Variants in NTNG2 observed in about 807,000 individuals in gnomAD.
NTNG2 encodes netrin G2, also known as netrin-G2.
A neutral mutation model predicts 47.6 loss-of-function variants in NTNG2; 15 were observed. That is an observed-to-expected ratio of 0.32 (90% CI 0.21 to 0.49). The LOEUF (loss-of-function observed/expected upper bound fraction) is 0.49. Among genes scored for constraint, NTNG2 ranks in the 20% least tolerant of loss-of-function variants. The pLI is 0.99. For missense variants in NTNG2, 578 were observed against 764.6 expected, an observed-to-expected ratio of 0.76 and a Z score of 2.88; for synonymous variants, 307 against 324.6, an observed-to-expected ratio of 0.95 and a Z score of 0.58.
At chr9:132,171,740 C>T (rs1323354183) in intron 2 of NTNG2, among the ~76,000 whole-genome samples, 1 of 152,206 alleles carries the variant, frequency 6.6e-6, no homozygotes, top group Non-Finnish European at 1.5e-5. Context: ...TTGAACACCA[C>T]ATGCAGAATC....
intron 3 of NTNG2, among the ~76,000 whole-genome samples, chr9:132,210,716 G>T (rs1286622057): frequency 6.6e-6 from 1 of 152,192 alleles, no homozygotes; most frequent in Non-Finnish European, 1.5e-5. Context: ...GAAGTTGAGT[G>T]GGGAGAGGAC....
At chr9:132,213,350 A>G (rs983684179) in intron 3 of NTNG2, among the ~76,000 whole-genome samples, 42 of 147,742 alleles carry the variant, frequency 2.8e-4, no homozygotes, top group African/African-American at 1.0e-3. Flanking sequence ...AAAAAAAAAA[A>G]AAAAAAAAAA....
chr9:132,163,228 T>C lies in NTNG2; in HGVS notation c.-484+989T>C, dbSNP rs1347505040. On this transcript the variant is annotated intron_variant, in intron 1 of 7. Transcript: ENST00000393229. This position sits in a 1 kb window ranked among gnomAD's most constrained non-coding sequence, Gnocchi z 7.2. Reference sequence around the variant, plus strand: ...CGGGGCTGCCGGGTCGTCGGTGTCCTAGGCACAGGGCTCGCAGCCGGCCCG... The same window carrying C: ...CGGGGCTGCCGGGTCGTCGGTGTCCCAGGCACAGGGCTCGCAGCCGGCCCG... Among the ~76,000 whole-genome samples the C allele has an allele frequency of 6.6e-6, 1 of 152,028 alleles. No homozygotes were observed. The highest frequency in any genetic ancestry group is 2.4e-5 in the African/African-American group (1 of 41,414).
chr9:132,175,246 T>C, intron 2 of NTNG2, among the ~76,000 whole-genome samples: 1 of 152,142 alleles, frequency 6.6e-6, no homozygotes, highest in East Asian at 1.9e-4. Flanking sequence ...TTCTGAGACT[T>C]CTCAGAGCCC....
chr9:132,223,183 GA>G (rs1011680211), intron 3 of NTNG2, among the ~76,000 whole-genome samples: 5 of 152,166 alleles, frequency 3.3e-5, no homozygotes, highest in African/African-American at 1.2e-4. Context: ...ATAATTCGAG[GA>G]CAGAGAGAAG....
intron 2 of NTNG2, among the ~76,000 whole-genome samples, chr9:132,189,064 C>CGTTTTTTTTTTTTTTT (rs1837636142): frequency 1.6e-5 from 1 of 61,754 alleles, no homozygotes. Context: ...GGCTTTAAGC[C>CGTTTTTTTTTTTTTTT]TTTCTTTTTT....
chr9:132,197,355 C>T lies in NTNG2; in HGVS notation c.214-611C>T, dbSNP rs189077460. 1.8e-4 allele frequency among the ~76,000 whole-genome samples: 28 copies of T among 152,202 alleles called. No individual in the cohort carries two copies. The highest frequency in any genetic ancestry group is 3.4e-4 in the Non-Finnish European group (23 of 68,016). ...TGTGAGCCGAGATCGCCCCACTGCACTCCATCCTGGGAAACATAGCAAGAC... is the reference window on the plus strand; with the variant it reads ...TGTGAGCCGAGATCGCCCCACTGCATTCCATCCTGGGAAACATAGCAAGAC... On this transcript the variant is annotated intron_variant, in intron 2 of 7. Transcript: ENST00000393229. This position sits in a 1 kb window ranked among gnomAD's most constrained non-coding sequence, Gnocchi z 4.3.
At chr9:132,169,109 TC>T (rs1450075921) in intron 2 of NTNG2, among the ~76,000 whole-genome samples, 4 of 152,296 alleles carry the variant, frequency 2.6e-5, no homozygotes, top group African/African-American at 9.6e-5. Context: ...GAGTGCTCTC[TC>T]CCATCCCCAT....
rs778667286 is a variant in NTNG2 at position 132,231,450 on chromosome 9, C to T, written c.1054+855C>T. 1.7e-5 allele frequency: 7 copies of T among 404,196 alleles called. No homozygotes were observed. The highest frequency in any genetic ancestry group is 7.1e-4 in the Middle Eastern group (2 of 2,808). 25.0% of individuals were successfully genotyped at this position (404,196 alleles called of 1,614,324 possible). On this transcript the variant is annotated intron_variant, in intron 5 of 7. Transcript: ENST00000393229. The surrounding 1 kb of genome is among the most constrained non-coding windows in gnomAD (Gnocchi z 4.1). ...CCTCCACCAGGGCTCTGTGGGGCCCCACATCCCACCCAAGTTGTCCCTCCC... is the reference window on the plus strand; with the variant it reads ...CCTCCACCAGGGCTCTGTGGGGCCCTACATCCCACCCAAGTTGTCCCTCCC...
intron 6 of NTNG2, among the ~76,000 whole-genome samples, chr9:132,240,403 G>A (rs988853800): frequency 1.3e-5 from 2 of 152,212 alleles, no homozygotes; most frequent in Admixed American, 1.3e-4. Context: ...TCTCAGGGTG[G>A]ACGATATTCA....
At chr9:132,173,269 T>C (rs1181034583) in intron 2 of NTNG2, among the ~76,000 whole-genome samples, 2 of 152,158 alleles carry the variant, frequency 1.3e-5, no homozygotes, top group Non-Finnish European at 2.9e-5. Flanking sequence ...AGGACAAGAA[T>C]AGTTCTGTGA....
intron 2 of NTNG2, among the ~76,000 whole-genome samples, chr9:132,193,312 A>C (rs1838035221): frequency 6.6e-6 from 1 of 152,226 alleles, no homozygotes; most frequent in African/African-American, 2.4e-5. Flanking sequence ...ACTGAGGTCC[A>C]GGCCCAATAT....
chr9:132,187,234 A>G (rs1434616401), intron 2 of NTNG2, among the ~76,000 whole-genome samples: 3 of 152,248 alleles, frequency 2.0e-5, no homozygotes, highest in African/African-American at 7.2e-5. Context: ...CTGGGGAGGC[A>G]GCGCTTGGAG....
chr9:132,199,282 G>A (rs897766023), intron 3 of NTNG2, among the ~76,000 whole-genome samples: 8 of 152,132 alleles, frequency 5.3e-5, no homozygotes, highest in African/African-American at 1.9e-4. Context: ...AGGGGTTTCC[G>A]AGACCGCCCT....
chr9:132,230,167 T>G lies in NTNG2; in HGVS notation c.1031-405T>G, dbSNP rs113531111. ...GAGTTTTCCAGCCACACTGCACTTC[T>G]TAGACAGGAACACTCCATACGATGT... On this transcript the variant is annotated intron_variant, in intron 4 of 7. Coordinates refer to ENST00000393229, the MANE Select transcript of NTNG2 (RefSeq NM_032536.4). Among the ~76,000 whole-genome samples the G allele has an allele frequency of 8.5e-5, 13 of 152,296 alleles. 2 individuals carry two copies. Among genetic ancestry groups the G allele is most frequent in the African/African-American group, 3.1e-4 (13 of 41,580 alleles).
At chr9:132,234,436 C>T (rs1248080748) in intron 5 of NTNG2, among the ~76,000 whole-genome samples, 1 of 152,228 alleles carries the variant, frequency 6.6e-6, no homozygotes, top group Non-Finnish European at 1.5e-5. Flanking sequence ...CGAGAACTTG[C>T]TTCCCACACA....
At chr9:132,186,490 T>C (rs1837393673) in intron 2 of NTNG2, among the ~76,000 whole-genome samples, 1 of 152,248 alleles carries the variant, frequency 6.6e-6, no homozygotes, top group South Asian at 2.1e-4. Context: ...GTGGTTCGGC[T>C]GACGGAGGAG....
upstream of NTNG2, chr9:132,161,700 T>C (rs1283910680): frequency 6.6e-6 from 1 of 151,864 alleles, no homozygotes; most frequent in Non-Finnish European, 1.5e-5. The surrounding 1 kb of genome is among the most constrained non-coding windows in gnomAD (Gnocchi z 7.2). Flanking sequence ...GACCGAGAGA[T>C]AAAAGCCCCG....
At position 132,230,614 on chromosome 9, in the gene NTNG2, A is replaced by G; in HGVS notation, c.1054+19A>G. 6.2e-7 allele frequency: 1 copy of G among 1,601,474 alleles called. No homozygotes were observed. Among genetic ancestry groups the G allele is most frequent in the Non-Finnish European group, 8.5e-7 (1 of 1,174,052 alleles). On this transcript the variant is annotated intron_variant, in intron 5 of 7. Transcript: ENST00000393229. ...TTTGGCAGTAAGTACACGCCTGGGGAGGGTGGCCAGGGCCCCCACTGCACG... is the reference window on the plus strand; with the variant it reads ...TTTGGCAGTAAGTACACGCCTGGGGGGGGTGGCCAGGGCCCCCACTGCACG...
Sources: allele counts gnomAD v4.1 joint callset (sites outside exome capture counted in the v4.1 genomes callset), GRCh38; gene constraint gnomAD v4.1.1; non-coding constraint Gnocchi (gnomAD v3.1); transcripts MANE v1.5; gene names NCBI Gene and HGNC (gene_info 2026-07-23, HGNC 2026-07-21).